The following CSF1R variants were observed in gnomAD, a reference collection of about 807,000 sequenced individuals.
The protein encoded by CSF1R is colony stimulating factor 1 receptor, also known as macrophage colony-stimulating factor 1 receptor.
Under a neutral mutation model 110.0 loss-of-function variants are expected in CSF1R, and 40 were observed. The ratio of observed to expected loss-of-function variants is 0.36; its 90% CI spans 0.28 to 0.47. The LOEUF (loss-of-function observed/expected upper bound fraction) is 0.47. CSF1R is among the 20% of genes least tolerant of loss of function. The probability of loss-of-function intolerance (pLI) is 0.99; values close to 1 mark genes in which losing one functional copy is unlikely to be tolerated. For missense variants in CSF1R, 1,052 were observed against 1,253.0 expected (o/e 0.84, Z 2.42); for synonymous variants, 523 against 503.4 (o/e 1.04, Z -0.52).
chr5:150,069,110 C>G (rs139302016), intron 9 of CSF1R, among the ~76,000 whole-genome samples: 2 of 152,202 alleles, frequency 1.3e-5, no homozygotes, highest in Admixed American at 1.3e-4. Flanking sequence ...AGCAGTGAGG[C>G]CCAGCGCGGC....
At chr5:150,063,731 C>T (rs1211286107) in intron 10 of CSF1R, among the ~76,000 whole-genome samples, 3 of 152,042 alleles carry the variant, frequency 2.0e-5, no homozygotes, top group Admixed American at 2.0e-4. Flanking sequence ...CTAAGGGTTG[C>T]CCACAAGAAA....
intron 10 of CSF1R, among the ~76,000 whole-genome samples, chr5:150,063,345 C>T (rs1355303757): frequency 6.6e-6 from 1 of 151,734 alleles, no homozygotes; most frequent in Admixed American, 6.6e-5. Context: ...ACAGGTGAGT[C>T]GCCATCTGAC....
intron 1 of CSF1R, among the ~76,000 whole-genome samples, chr5:150,104,484 G>A (rs755761566): frequency 1.3e-5 from 2 of 152,230 alleles, no homozygotes; most frequent in Non-Finnish European, 2.9e-5. Flanking sequence ...GGCCTTTTGG[G>A]CTCAACCGCA....
intron 1 of CSF1R, among the ~76,000 whole-genome samples, chr5:150,106,571 C>T (rs1759561913): frequency 6.6e-6 from 1 of 152,178 alleles, no homozygotes; most frequent in Non-Finnish European, 1.5e-5. Flanking sequence ...AAAGGTTCGA[C>T]CACACCTATC....
At chr5:150,081,159 C>A in intron 1 of CSF1R, 135 bp from the exon 2 acceptor site, 1 of 959,964 alleles carries the variant, frequency 1.0e-6, no homozygotes, top group Non-Finnish European at 1.5e-6. Context: ...CGAGCCCCTG[C>A]CCCCTGGTCA....
At chr5:150,104,225 C>T (rs560119904) in intron 1 of CSF1R, among the ~76,000 whole-genome samples, 5 of 152,294 alleles carry the variant, frequency 3.3e-5, no homozygotes, top group African/African-American at 1.2e-4. Context: ...TGGCAGAGAC[C>T]CCTCTCTGGT....
chr5:150,106,998 G>GTA (rs1447930155), intron 1 of CSF1R, among the ~76,000 whole-genome samples: 1 of 152,216 alleles, frequency 6.6e-6, no homozygotes, highest in African/African-American at 2.4e-5. Flanking sequence ...GGTAGGGCCA[G>GTA]TCTCCCTTCC....
At chr5:150,076,321 CCTAT>C (rs59302630) in intron 5 of CSF1R, among the ~76,000 whole-genome samples, 46,192 of 147,760 alleles carry the variant, frequency 0.31, 7,201 homozygotes, top group South Asian at 0.37. Flanking sequence ...CTAAGTACTT[CCTAT>C]CTATCTATCT....
chr5:150,069,652 C>G (rs1404705189), intron 9 of CSF1R, among the ~76,000 whole-genome samples: 1 of 152,118 alleles, frequency 6.6e-6, no homozygotes, highest in African/African-American at 2.4e-5. Flanking sequence ...TGCTTTCTCT[C>G]TGCTTTCTCA....
chr5:150,074,431 C>T (rs1036392842), intron 5 of CSF1R, among the ~76,000 whole-genome samples: 4 of 151,958 alleles, frequency 2.6e-5, no homozygotes, highest in African/African-American at 9.7e-5. Context: ...CCTCAGCCTC[C>T]CGAGTAGCTG....
At chr5:150,084,399 G>A (rs1329092337) in intron 1 of CSF1R, among the ~76,000 whole-genome samples, 1 of 48,142 alleles carries the variant, frequency 2.1e-5, no homozygotes, top group Non-Finnish European at 4.1e-5. Flanking sequence ...AAGAAGGAAG[G>A]AAGGAAGGAA....
rs1757423807 is a variant in CSF1R at position 150,059,857 on chromosome 5, C to G, written c.1975G>C (p.Val659Leu). 1 of 1,611,990 alleles carries G rather than the reference C, an allele frequency of 6.2e-7. No homozygotes were observed. The highest frequency in any genetic ancestry group is 1.3e-5 in the African/African-American group (1 of 74,986). The change falls in exon 14 of 21, where the codon GTA (valine) becomes CTA (leucine). Residue 659 changes from valine (V) to leucine (L), a missense_variant. Val to Leu is a conservative substitution (Grantham distance 32). Coordinates refer to ENST00000675795, the MANE Select transcript of CSF1R (RefSeq NM_001288705.3). ...LLGACTHGGP[V>L]LVITEYCCYG... is the part of the protein sequence containing the mutation. Reference sequence around the variant, plus strand: ...CAACAGTACTCCGTGATGACCAGTACAGGGCCTAGAGCAGCCAAGGGTGTG... The same window carrying G: ...CAACAGTACTCCGTGATGACCAGTAGAGGGCCTAGAGCAGCCAAGGGTGTG...
intron 5 of CSF1R, among the ~76,000 whole-genome samples, chr5:150,075,997 CAT>C (rs1365929843): frequency 3.3e-5 from 5 of 152,226 alleles, no homozygotes; most frequent in Non-Finnish European, 7.3e-5. Context: ...ACATTCAACA[CAT>C]GAGGCACGGC....
At chr5:150,080,693 A>G in intron 2 of CSF1R, 74 bp downstream of exon 2, 2 of 1,571,466 alleles carry the variant, frequency 1.3e-6, no homozygotes, top group Non-Finnish European at 1.7e-6. Flanking sequence ...AATTGTTACG[A>G]TTGTTAATTT....
In CSF1R at chr5:150,077,475, T is replaced by G. The variant is rs1581317766; in HGVS notation, c.730-40A>C. On this transcript the variant is annotated intron_variant, in intron 4 of 20. Coordinates refer to ENST00000675795, the MANE Select transcript of CSF1R (RefSeq NM_001288705.3). ...AATGGAGATGTTATACCAAGGTAGT[T>G]TAGGGATTAGAAAGATCTGGGTTCC... 12 of 1,587,216 alleles carry G rather than the reference T, an allele frequency of 7.6e-6. 1 individual carries two copies. The East Asian group carries it at 2.7e-4, about 36-fold the overall frequency.
intron 1 of CSF1R, chr5:150,098,262 C>T (rs1759287813): frequency 6.6e-6 from 1 of 152,114 alleles, no homozygotes; most frequent in Non-Finnish European, 1.5e-5. Flanking sequence ...AAAATTATCT[C>T]AAAATGGATC....
At chr5:150,063,541 A>T (rs1013879110) in intron 10 of CSF1R, among the ~76,000 whole-genome samples, 5 of 151,688 alleles carry the variant, frequency 3.3e-5, no homozygotes, top group African/African-American at 9.7e-5. Flanking sequence ...AGAGAAAGAG[A>T]GACGCTGCCC....
At chr5:150,103,218 C>A (rs1490589671) in intron 1 of CSF1R, among the ~76,000 whole-genome samples, 1 of 152,222 alleles carries the variant, frequency 6.6e-6, no homozygotes, top group Admixed American at 6.5e-5. Flanking sequence ...GATTGTCTGG[C>A]CAATACCATT....
intron 3 of CSF1R, among the ~76,000 whole-genome samples, chr5:150,079,473 C>T (rs929381240): frequency 9.2e-5 from 14 of 152,202 alleles, no homozygotes; most frequent in African/African-American, 3.1e-4. Flanking sequence ...CTGGCCACCG[C>T]GAGAGCCATC....
Sources: gnomAD v4.1 joint callset for allele counts (sites outside exome capture counted in the v4.1 genomes callset) on GRCh38, gnomAD v4.1.1 for gene constraint, MANE v1.5 for transcripts, NCBI Gene and HGNC (gene_info 2026-07-23, HGNC 2026-07-21) for gene names.